Variants in RRP1 observed in about 807,000 individuals in gnomAD.
The protein encoded by RRP1 is ribosomal RNA processing protein 1 homolog A.
RRP1 carries 37 observed loss-of-function variants against 54.6 expected under a neutral mutation model. The ratio of observed to expected loss-of-function variants is 0.68; its 90% CI spans 0.52 to 0.89. RRP1 has a LOEUF of 0.89. Among genes scored for constraint, RRP1 ranks in the 40% least tolerant of loss-of-function variants. RRP1 has a pLI of 0.00. For missense variants in RRP1, 639 were observed against 612.5 expected, an observed-to-expected ratio of 1.04 and a Z score of -0.46; for synonymous variants, 262 against 244.3, an observed-to-expected ratio of 1.07 and a Z score of -0.67.
Position 43,803,623 on chromosome 21 carries a change from C to T in RRP1, c.1235C>T (p.Thr412Ile), listed in dbSNP as rs374647783. ...GCAGAGGCTGGTGAGCAGCCAGGCA[C>T]AGCTGAGCGGGCCCTGCTCCGAGAT... ...ARAEAGEQPG[T>I]AERALLRDQP... Residue 412 changes from threonine (T) to isoleucine (I), a missense_variant, in exon 13 of 13, where the codon ACA (threonine) becomes ATA (isoleucine). Transcript: ENST00000497547. The T allele has an allele frequency of 2.8e-5, 43 of 1,551,048 alleles. No homozygotes were observed. The African/African-American group carries it at 3.6e-4, about 13-fold the overall frequency.
At chr21:43,792,859 G>A in intron 3 of RRP1, 130 bp downstream of exon 3, 1 of 935,064 alleles carries the variant, frequency 1.1e-6, no homozygotes, top group Non-Finnish European at 1.7e-6. Flanking sequence ...GAGAGCGCCA[G>A]CTGGTGTCTG....
chr21:43,791,197 T>G, intron 1 of RRP1, 153 bp from the exon 2 acceptor site: 37 of 743,306 alleles, frequency 5.0e-5, no homozygotes, highest in Non-Finnish European at 6.2e-5. Context: ...GTTAGAAGGA[T>G]TGTTTGAAGG....
At chr21:43,793,760 C>T (rs1462979919) in intron 4 of RRP1, among the ~76,000 whole-genome samples, 7 of 152,344 alleles carry the variant, frequency 4.6e-5, no homozygotes, top group South Asian at 2.1e-4. Context: ...GCTGCGGTCA[C>T]GCCCTAGCAT....
rs758930459 is a variant in RRP1, at chr21:43,797,546, G to A, written c.547G>A (p.Glu183Lys). 23 of 1,613,884 alleles carry A rather than the reference G, an allele frequency of 1.4e-5. No individual in the cohort carries two copies. Among genetic ancestry groups the A allele is most frequent in the East Asian group, 4.5e-5 (2 of 44,894 alleles). ...FLEELTKVGA[E>K]ELTADQNLKF... ...GGAGGAGCTGACCAAAGTGGGCGCC[G>A]AGGAGGTGAGGCTGGGCTCCGACGG... The change falls in exon 6 of 13, where the codon GAG becomes AAG. Residue 183 changes from glutamate to lysine, a missense_variant. Glu to Lys is a moderately conservative substitution (Grantham distance 56). Coordinates refer to ENST00000497547, the MANE Select transcript of RRP1 (RefSeq NM_003683.6).
chr21:43,795,741 C>T (rs778839190), intron 5 of RRP1, among the ~76,000 whole-genome samples: 7 of 152,262 alleles, frequency 4.6e-5, no homozygotes, highest in South Asian at 2.1e-4. Flanking sequence ...TTGGTAGAGA[C>T]GAGTTCTGTC....
intron 5 of RRP1, 83 bp from the exon 6 acceptor site, chr21:43,797,339 C>T (rs911202568): frequency 1.5e-5 from 23 of 1,522,002 alleles, no homozygotes; most frequent in Admixed American, 2.0e-5. Flanking sequence ...CCCATCAGAG[C>T]GTGTAACCAT....
At chr21:43,801,187 C>T (rs563988937) in intron 11 of RRP1, among the ~76,000 whole-genome samples, 25 of 152,290 alleles carry the variant, frequency 1.6e-4, no homozygotes, top group South Asian at 2.1e-4. Flanking sequence ...GGGCAGCACA[C>T]GTCTGTTCTT....
At position 43,789,668 on chromosome 21, in the gene RRP1, G is replaced by A; in HGVS notation, c.39G>A (p.Leu13=). The part of the protein sequence containing the change: ...SRVQLPPEIQ[L]AQRLAGNEQV... ...TGCAGCTCCCGCCTGAGATCCAGCT[G>A]GCTCAGCGCCTGGCGGGGAATGAGC... Residue 13 remains leucine (L), a synonymous_variant, in exon 1 of 13, where the codon CTG becomes CTA. Coordinates refer to ENST00000497547, the MANE Select transcript of RRP1 (RefSeq NM_003683.6). The A allele has an allele frequency of 6.3e-7, 1 of 1,578,186 alleles. No individual in the cohort carries two copies. Among genetic ancestry groups the A allele is most frequent in the Non-Finnish European group, 8.6e-7 (1 of 1,163,410 alleles).
intron 5 of RRP1, 78 bp from the exon 6 acceptor site, chr21:43,797,330 CCATCAGAGCGTGTA>C: frequency 6.6e-7 from 1 of 1,508,434 alleles, no homozygotes; most frequent in Non-Finnish European, 8.8e-7. Flanking sequence ...ACTTAGGTTC[CCATCAGAGCGTGTA>C]ACCATGGGAG....
intron 4 of RRP1, 108 bp downstream of exon 4, chr21:43,793,512 C>T: frequency 1.1e-6 from 1 of 877,612 alleles, no homozygotes; most frequent in South Asian, 1.5e-5. Context: ...GGCAGTGCGA[C>T]CCTGAAGCCA....
chr21:43,794,074 G>C (rs979329391), intron 4 of RRP1, among the ~76,000 whole-genome samples: 4 of 152,208 alleles, frequency 2.6e-5, no homozygotes, highest in African/African-American at 9.7e-5. Context: ...GACACTGAAA[G>C]GGGCCATGTC....
At chr21:43,798,380 G>A (rs894447803) in intron 8 of RRP1, among the ~76,000 whole-genome samples, 9 of 152,108 alleles carry the variant, frequency 5.9e-5, no homozygotes, top group East Asian at 5.8e-4. Flanking sequence ...CCCTAGACTC[G>A]TTCCTGCCTT....
At chr21:43,798,162 C>A (rs1248303287) in intron 8 of RRP1, 62 bp downstream of exon 8, 2 of 1,448,996 alleles carry the variant, frequency 1.4e-6, no homozygotes, top group Non-Finnish European at 9.3e-7. Context: ...CCAGTGCGAT[C>A]TCCTGCTGGG....
chr21:43,804,260 G>C lies in RRP1; in HGVS notation c.*486G>C. 6.5e-6 allele frequency: 1 copy of C among 153,726 alleles called. No individual in the cohort carries two copies. Among genetic ancestry groups the C allele is most frequent in the Non-Finnish European group, 1.4e-5 (1 of 68,978 alleles). The allele number at this position is 153,726 out of a possible 1,614,324, so 9.5% of individuals were successfully genotyped here. ...GGTGTTAACAGGGCTGTCTGGACGG[G>C]GCTCTTTTGCTTCCCCCTCAATCTG... On this transcript the variant is annotated 3_prime_UTR_variant, in exon 13 of 13. Coordinates refer to ENST00000497547, the MANE Select transcript of RRP1 (RefSeq NM_003683.6). This position sits in a 1 kb window ranked among gnomAD's most constrained non-coding sequence, Gnocchi z 4.3.
At chr21:43,803,195 C>T (rs1353538433) in intron 12 of RRP1, among the ~76,000 whole-genome samples, 3 of 152,234 alleles carry the variant, frequency 2.0e-5, no homozygotes, top group Admixed American at 6.5e-5. Flanking sequence ...CGTTCAGGAC[C>T]TGGCACTGCC....
Position 43,797,455 on chromosome 21 carries a change from T to C in RRP1, c.456T>C (p.Thr152=), listed in dbSNP as rs550001891. The C allele has an allele frequency of 1.2e-6, 2 of 1,613,424 alleles. No homozygotes were observed. The highest frequency in any genetic ancestry group is 2.7e-5 in the African/African-American group (2 of 75,022). ...QIEELLELLM[T]EILHPSSQAP... ...AGGAGCTGCTAGAGCTGCTGATGACTGAGATCCTGCACCCCAGCAGCCAGG... is the reference window on the plus strand; with the variant it reads ...AGGAGCTGCTAGAGCTGCTGATGACCGAGATCCTGCACCCCAGCAGCCAGG... The change falls in exon 6 of 13, where the codon ACT becomes ACC. Residue 152 remains threonine, a synonymous_variant. Transcript: ENST00000497547.
At chr21:43,795,356 C>T (rs1793059717) in intron 5 of RRP1, 106 bp downstream of exon 5, 17 of 1,028,822 alleles carry the variant, frequency 1.7e-5, no homozygotes, top group South Asian at 1.1e-4. Flanking sequence ...TTTATATTAA[C>T]GCATGCCCCC....
At chr21:43,799,084 C>A (rs950785828) in intron 8 of RRP1, among the ~76,000 whole-genome samples, 4 of 152,120 alleles carry the variant, frequency 2.6e-5, no homozygotes, top group Non-Finnish European at 5.9e-5. Flanking sequence ...CTGCCTGTTG[C>A]CCAAAAACCT....
Position 43,804,884 on chromosome 21 carries a change from G to T in RRP1, c.*1110G>T. ...ACACCTCCTTCAGTCCCACTCAGCT[G>T]GGCGGCCGGGGCAGGCTTAGGGCAC... On this transcript the variant is annotated 3_prime_UTR_variant, in exon 13 of 13. Transcript: ENST00000497547. The surrounding 1 kb of genome is among the most constrained non-coding windows in gnomAD (Gnocchi z 4.3). The T allele has an allele frequency of 6.6e-6, 1 of 152,596 alleles. No homozygotes were observed. Among genetic ancestry groups the T allele is most frequent in the African/African-American group, 2.4e-5 (1 of 41,584 alleles). The allele number at this position is 152,596 out of a possible 1,614,324, so 9.5% of individuals were successfully genotyped here.
Sources: allele counts gnomAD v4.1 joint callset (sites outside exome capture counted in the v4.1 genomes callset), GRCh38; gene constraint gnomAD v4.1.1; non-coding constraint Gnocchi (gnomAD v3.1); transcripts MANE v1.5; gene names NCBI Gene and HGNC (gene_info 2026-07-23, HGNC 2026-07-21).